Variants in KANSL1L observed in about 807,000 individuals in gnomAD.
KANSL1L encodes KAT8 regulatory NSL complex subunit 1 like.
KANSL1L carries 25 observed loss-of-function variants against 108.6 expected under a neutral mutation model. The ratio of observed to expected loss-of-function variants is 0.23; its 90% CI spans 0.17 to 0.32. The LOEUF (loss-of-function observed/expected upper bound fraction) is 0.32, where lower values mean the gene tolerates loss of function less well. KANSL1L is among the 10% of genes least tolerant of loss of function. KANSL1L has a pLI of 1.00. For missense variants in KANSL1L, 1,137 were observed against 1,125.7 expected (o/e 1.01, Z -0.14); for synonymous variants, 405 against 395.1 (o/e 1.03, Z -0.30).
intron 6 of KANSL1L, among the ~76,000 whole-genome samples, chr2:210,064,817 CAAAAAA>C (rs1168784210): frequency 4.7e-5 from 2 of 42,260 alleles, no homozygotes; most frequent in Non-Finnish European, 1.0e-4. Flanking sequence ...CCTCCCCCAC[CAAAAAA>C]AAAAAAAAAA....
At position 210,053,569 on chromosome 2, in the gene KANSL1L, C is replaced by T. The variant is rs138574755; in HGVS notation, c.1756-9465G>A. On this transcript the variant is annotated intron_variant, in intron 6 of 14. Coordinates refer to ENST00000281772, the MANE Select transcript of KANSL1L (RefSeq NM_152519.4). The stretch of plus-strand genomic sequence containing the variant: ...CTGAGATCACACCACTGCACTCTAG[C>T]GTGGGAAATAAACCGAGATTCATGT... 8.2e-3 allele frequency among the ~76,000 whole-genome samples: 1,251 copies of T among 152,018 alleles called. 9 individuals carry two copies. The highest frequency in any genetic ancestry group is 0.013 in the Non-Finnish European group (871 of 67,986).
At chr2:210,077,500 C>G (rs2094550919) in intron 5 of KANSL1L, among the ~76,000 whole-genome samples, 1 of 151,958 alleles carries the variant, frequency 6.6e-6, no homozygotes, top group Non-Finnish European at 1.5e-5. Context: ...AAGTGGCTAG[C>G]ATAGAAGTGA....
At chr2:210,070,387 G>A (rs970626851) in intron 6 of KANSL1L, among the ~76,000 whole-genome samples, 18 of 151,528 alleles carry the variant, frequency 1.2e-4, no homozygotes, top group Non-Finnish European at 1.8e-4. Flanking sequence ...CCGCCACAAC[G>A]CCCAGCTAAT....
Position 210,121,627 on chromosome 2 carries a change from C to T in KANSL1L, c.1230+7404G>A, listed in dbSNP as rs148283895. Among the ~76,000 whole-genome samples, 9 of 152,068 alleles carry T rather than the reference C, an allele frequency of 5.9e-5. 1 individual carries two copies. Among genetic ancestry groups the T allele is most frequent in the Non-Finnish European group, 1.0e-4 (7 of 68,038 alleles). On this transcript the variant is annotated intron_variant, in intron 3 of 14. Transcript: ENST00000281772. ...AGTTTACCCATGTAACACACCCGCACTTGTACCCCTGAACTTAAAATAAAA... is the reference window on the plus strand; with the variant it reads ...AGTTTACCCATGTAACACACCCGCATTTGTACCCCTGAACTTAAAATAAAA...
chr2:210,080,933 C>A (rs1417901311), intron 5 of KANSL1L, among the ~76,000 whole-genome samples: 1 of 151,786 alleles, frequency 6.6e-6, no homozygotes, highest in Non-Finnish European at 1.5e-5. Context: ...ATGGTGAAAC[C>A]CTGTCTGTAC....
chr2:210,068,158 G>A (rs1197607780), intron 6 of KANSL1L, among the ~76,000 whole-genome samples: 1 of 152,170 alleles, frequency 6.6e-6, no homozygotes, highest in African/African-American at 2.4e-5. Flanking sequence ...TTACAGGCGT[G>A]AGCCACCGCG....
intron 3 of KANSL1L, among the ~76,000 whole-genome samples, chr2:210,116,973 A>G (rs1405586413): frequency 6.6e-6 from 1 of 152,180 alleles, no homozygotes; most frequent in Non-Finnish European, 1.5e-5. Context: ...GTTTTGAGAA[A>G]GCTCAATGAA....
intron 3 of KANSL1L, among the ~76,000 whole-genome samples, chr2:210,116,010 A>G (rs2094950397): frequency 1.3e-5 from 2 of 152,298 alleles, no homozygotes; most frequent in Non-Finnish European, 1.5e-5. Flanking sequence ...CAGTGGGGTA[A>G]AGCACCAAGC....
chr2:210,114,112 A>G (rs1284386657), intron 3 of KANSL1L, among the ~76,000 whole-genome samples: 1 of 152,180 alleles, frequency 6.6e-6, no homozygotes, highest in Non-Finnish European at 1.5e-5. Flanking sequence ...GAATCCAAAG[A>G]GTACTACAAA....
Position 210,022,303 on chromosome 2 carries a change from A to G in KANSL1L, c.*646T>C, listed in dbSNP as rs2093871378. ...ATAACTTCTGTTGGTTAAACATGTT[A>G]AAACAACAACAACAACAACAAAAAA... is the stretch of plus-strand genomic sequence containing the variant. On this transcript the variant is annotated 3_prime_UTR_variant, in exon 15 of 15. Transcript: ENST00000281772. 1 of 152,350 alleles carries G rather than the reference A, an allele frequency of 6.6e-6. No homozygotes were observed. The highest frequency in any genetic ancestry group is 2.1e-4 in the South Asian group (1 of 4,834). 9.4% of individuals were successfully genotyped at this position (152,350 alleles called of 1,614,324 possible). A position where few individuals can be genotyped will look rare whatever the true frequency, so the allele number is the denominator to read the frequency against.
At chr2:210,160,723 T>C (rs992762333) in intron 1 of KANSL1L, among the ~76,000 whole-genome samples, 1 of 152,250 alleles carries the variant, frequency 6.6e-6, no homozygotes, top group African/African-American at 2.4e-5. Context: ...ATTGTTATGA[T>C]GCTAATTCTC....
chr2:210,117,589 T>C (rs1308503880), intron 3 of KANSL1L, among the ~76,000 whole-genome samples: 5 of 152,126 alleles, frequency 3.3e-5, no homozygotes, highest in Non-Finnish European at 7.3e-5. Flanking sequence ...GTGAGTGGCA[T>C]GACATATTTA....
At chr2:210,092,993 T>C (rs998715807) in intron 5 of KANSL1L, among the ~76,000 whole-genome samples, 1 of 152,030 alleles carries the variant, frequency 6.6e-6, no homozygotes, top group Non-Finnish European at 1.5e-5. Flanking sequence ...TCCCTAGTGG[T>C]GGGGAAAGGG....
chr2:210,152,671 C>T (rs1167129511), intron 2 of KANSL1L: 1 of 152,122 alleles, frequency 6.6e-6, no homozygotes, highest in Non-Finnish European at 1.5e-5. Context: ...TTATACTAAG[C>T]TAGCAAAAAC....
chr2:210,082,922 T>C (rs1303004679), intron 5 of KANSL1L, among the ~76,000 whole-genome samples: 1 of 152,198 alleles, frequency 6.6e-6, no homozygotes, highest in Non-Finnish European at 1.5e-5. Context: ...CTGGGTTGAA[T>C]AGTGTCTCCT....
At chr2:210,037,378 T>C (rs1340168069) in intron 8 of KANSL1L, among the ~76,000 whole-genome samples, 2 of 152,210 alleles carry the variant, frequency 1.3e-5, no homozygotes, top group Non-Finnish European at 2.9e-5. Flanking sequence ...ATCATCTTCA[T>C]GGATGCATTT....
At chr2:210,026,378 A>C (rs1168553255) in intron 12 of KANSL1L, 3 of 152,176 alleles carry the variant, frequency 2.0e-5, no homozygotes, top group African/African-American at 4.8e-5. Flanking sequence ...ACAACCCCTT[A>C]CCTGCAATTC....
At position 210,109,689 on chromosome 2, in the gene KANSL1L, A is replaced by C. The variant is rs186086754; in HGVS notation, c.1231-5388T>G. Among the ~76,000 whole-genome samples the C allele has an allele frequency of 1.2e-3, 186 of 152,172 alleles. 1 individual carries two copies. The highest frequency in any genetic ancestry group is 4.2e-3 in the African/African-American group (176 of 41,526). On this transcript the variant is annotated intron_variant, in intron 3 of 14. Transcript: ENST00000281772. ...CTTCTTACCCTAGGTGTATGGCTTA[A>C]TTAGGCCCTAATTTGTGCTTCCTAT...
Position 210,098,155 on chromosome 2 carries a change from G to T in KANSL1L, c.1481C>A (p.Ser494Tyr), listed in dbSNP as rs2094756694. 2 of 1,612,286 alleles carry T rather than the reference G, an allele frequency of 1.2e-6. No homozygotes were observed. Among genetic ancestry groups the T allele is most frequent in the South Asian group, 2.2e-5 (2 of 90,892 alleles). ...INSLIAPLNL[S>Y]PTSSPLSSKS... ...GGAAGAGAGGGGTGATGAAGTTGGG[G>T]ACAAGTTGAGAGGGGCAATCAAACT... Residue 494 changes from serine to tyrosine, a missense_variant, in exon 5 of 15, where the codon TCC becomes TAC. Around this residue, in one of 3 missense-constraint regions of KANSL1L, gnomAD observed 575 missense variants for 567.1 expected, o/e 1.01. Transcript: ENST00000281772.
Sources: allele counts gnomAD v4.1 joint callset (sites outside exome capture counted in the v4.1 genomes callset), GRCh38; gene constraint gnomAD v4.1.1; regional missense constraint gnomAD v4.1.1; transcripts MANE v1.5; gene names NCBI Gene and HGNC (gene_info 2026-07-23, HGNC 2026-07-21).